Variants in TNNI3K observed in about 807,000 individuals in gnomAD.
TNNI3K encodes TNNI3 interacting kinase.
In TNNI3K, 140 loss-of-function variants were observed where a neutral mutation model predicts 114.5. That is an observed-to-expected ratio of 1.22 (90% confidence interval 1.07 to 1.41). The LOEUF is 1.41. TNNI3K is among the 40% of genes most tolerant of loss of function. The pLI is 0.00. For synonymous variants in TNNI3K, 347 were observed against 347.5 expected (o/e 1.00, Z 0.02); for missense variants, 1,125 against 1,007.6 (o/e 1.12, Z -1.58).
intron 5 of TNNI3K, among the ~76,000 whole-genome samples, chr1:74,301,902 T>C (rs1310904327): frequency 6.6e-6 from 1 of 152,212 alleles, no homozygotes; most frequent in African/African-American, 2.4e-5. Flanking sequence ...TAAATGACTA[T>C]GTGGAGGAGA....
chr1:74,460,880 A>G (rs1667426630), intron 20 of TNNI3K, among the ~76,000 whole-genome samples: 2 of 152,246 alleles, frequency 1.3e-5, no homozygotes, highest in Admixed American at 6.5e-5. Context: ...GATTTTCCAG[A>G]CACACTGCCA....
intron 24 of TNNI3K, among the ~76,000 whole-genome samples, chr1:74,542,714 G>C: frequency 6.6e-6 from 1 of 152,184 alleles, no homozygotes; most frequent in Admixed American, 6.5e-5. Context: ...GACTGGGTTG[G>C]TTATGAAAAC....
chr1:74,537,769 G>C (rs868858476), intron 23 of TNNI3K, among the ~76,000 whole-genome samples: 1 of 152,092 alleles, frequency 6.6e-6, no homozygotes, highest in Admixed American at 6.6e-5. Flanking sequence ...CGTTCTAGAG[G>C]GGTATGGAAG....
chr1:74,259,629 C>T (rs1264472636), intron 4 of TNNI3K, among the ~76,000 whole-genome samples: 1 of 151,976 alleles, frequency 6.6e-6, no homozygotes, highest in Non-Finnish European at 1.5e-5. Context: ...AAAAATTAGC[C>T]ATATGTGGTG....
At chr1:74,316,695 T>C (rs529204807) in intron 5 of TNNI3K, among the ~76,000 whole-genome samples, 3 of 151,368 alleles carry the variant, frequency 2.0e-5, no homozygotes, top group Admixed American at 6.6e-5. Context: ...TATTTATTTA[T>C]TTATTTATTT....
At chr1:74,423,910 A>T (rs1665511377) in intron 17 of TNNI3K, among the ~76,000 whole-genome samples, 2 of 152,188 alleles carry the variant, frequency 1.3e-5, no homozygotes, top group South Asian at 2.1e-4. Flanking sequence ...TATCATTATA[A>T]TTACTTAATA....
chr1:74,514,014 C>T (rs1383090503), intron 23 of TNNI3K, among the ~76,000 whole-genome samples: 2 of 152,162 alleles, frequency 1.3e-5, no homozygotes, highest in Non-Finnish European at 2.9e-5. Context: ...GCCTCTCTCT[C>T]CCTTGAAAAG....
chr1:74,309,258 C>T (rs1351518193), intron 5 of TNNI3K, among the ~76,000 whole-genome samples: 1 of 145,272 alleles, frequency 6.9e-6, no homozygotes. Context: ...GTCCCAGCTA[C>T]TCGGGAGGCT....
intron 20 of TNNI3K, among the ~76,000 whole-genome samples, chr1:74,445,612 C>CTTTTTTT (rs773728606): frequency 2.3e-5 from 3 of 131,446 alleles, no homozygotes; most frequent in African/African-American, 3.1e-5. Flanking sequence ...TCTTTTTTTT[C>CTTTTTTT]TTTTTTTCTT....
At chr1:74,299,199 C>T (rs769831751) in intron 5 of TNNI3K, among the ~76,000 whole-genome samples, 32 of 152,068 alleles carry the variant, frequency 2.1e-4, no homozygotes, top group Non-Finnish European at 3.5e-4. Flanking sequence ...GCAGCCTCTA[C>T]CCTGAAGCGT....
chr1:74,262,045 A>G (rs1160854812), intron 4 of TNNI3K, among the ~76,000 whole-genome samples: 1 of 152,032 alleles, frequency 6.6e-6, no homozygotes, highest in East Asian at 1.9e-4. Flanking sequence ...TTGTATTAAT[A>G]TCTTTTATCC....
intron 17 of TNNI3K, among the ~76,000 whole-genome samples, chr1:74,423,481 T>C (rs45595132): frequency 0.012 from 1,842 of 152,254 alleles, 39 homozygotes; most frequent in African/African-American, 0.042. Context: ...TAAATGAATT[T>C]AGAAACCAGA....
chr1:74,492,339 GATTACT>G, intron 23 of TNNI3K, 73 bp downstream of exon 23: 1 of 1,382,106 alleles, frequency 7.2e-7, no homozygotes, highest in Non-Finnish European at 9.5e-7. Flanking sequence ...CAACTGATTT[GATTACT>G]ATTAACAGGG....
At chr1:74,319,307 A>G (rs756223058) in intron 5 of TNNI3K, among the ~76,000 whole-genome samples, 2 of 152,222 alleles carry the variant, frequency 1.3e-5, no homozygotes, top group Non-Finnish European at 2.9e-5. Flanking sequence ...TCAAGAGAGT[A>G]TAAGACAAAA....
intron 23 of TNNI3K, among the ~76,000 whole-genome samples, chr1:74,496,852 A>T (rs1384023443): frequency 6.6e-6 from 1 of 152,168 alleles, no homozygotes; most frequent in African/African-American, 2.4e-5. Context: ...TTGTACATGG[A>T]TTACATCATG....
At chr1:74,269,087 C>T (rs540813336) in intron 4 of TNNI3K, among the ~76,000 whole-genome samples, 1 of 152,008 alleles carries the variant, frequency 6.6e-6, no homozygotes, top group Non-Finnish European at 1.5e-5. Flanking sequence ...TATTTTAATA[C>T]TTATCCTTGA....
At chr1:74,454,281 A>G (rs2100704382) in intron 20 of TNNI3K, among the ~76,000 whole-genome samples, 1 of 151,998 alleles carries the variant, frequency 6.6e-6, no homozygotes, top group South Asian at 2.1e-4. Flanking sequence ...AACTATAGTC[A>G]CTCCATTATG....
Position 74,501,129 on chromosome 1 carries a change from C to T in TNNI3K, c.2351+8863C>T, listed in dbSNP as rs549395487. ...TTTTTAAAGTTTCTCACTCTATTTT[C>T]CACATTTCTCAATCTCTTTTTAAAA... On this transcript the variant is annotated intron_variant, in intron 23 of 24. Transcript: ENST00000326637. Among the ~76,000 whole-genome samples, 3 of 152,198 alleles carry T rather than the reference C, an allele frequency of 2.0e-5. No homozygotes were observed. In the South Asian group the frequency reaches 6.2e-4, roughly 32 times the overall value.
intron 11 of TNNI3K, among the ~76,000 whole-genome samples, chr1:74,362,967 C>G (rs1662049519): frequency 6.6e-6 from 1 of 152,096 alleles, no homozygotes; most frequent in Non-Finnish European, 1.5e-5. Context: ...ATTAGAGTTG[C>G]ATTAGGCTAA....
Sources: allele counts gnomAD v4.1 joint callset (sites outside exome capture counted in the v4.1 genomes callset), GRCh38; gene constraint gnomAD v4.1.1; transcripts MANE v1.5; gene names NCBI Gene and HGNC (gene_info 2026-07-23, HGNC 2026-07-21).